POMT1: variants seen among roughly 807,000 people sequenced by gnomAD.
POMT1 encodes the protein protein O-mannosyl-transferase 1.
A neutral mutation model predicts 101.6 loss-of-function variants in POMT1; 85 were observed. The ratio of observed to expected loss-of-function variants is 0.84; its 90% CI spans 0.70 to 1.00. The LOEUF (loss-of-function observed/expected upper bound fraction) is 1.00. Ranked by LOEUF, POMT1 falls within the 50% of genes least tolerant of loss-of-function variation. The probability of loss-of-function intolerance (pLI) is 0.00; values close to 1 mark genes in which losing one functional copy is unlikely to be tolerated. For synonymous variants in POMT1, 371 were observed against 383.0 expected (o/e 0.97, Z 0.37); for missense variants, 857 against 930.4 (o/e 0.92, Z 1.03).
At position 131,522,337 on chromosome 9, in the gene POMT1, A is replaced by C. The variant is rs1950109791; in HGVS notation, c.2003+113A>C. 1.3e-6 allele frequency: 2 copies of C among 1,544,662 alleles called. No homozygotes were observed. Among genetic ancestry groups the C allele is most frequent in the Non-Finnish European group, 1.7e-6 (2 of 1,149,162 alleles). On this transcript the variant is annotated intron_variant, in intron 19 of 19. Coordinates refer to ENST00000402686, the MANE Select transcript of POMT1 (RefSeq NM_001077365.2). This position sits in a 1 kb window ranked among gnomAD's most constrained non-coding sequence, Gnocchi z 5.5. ...ACCTCACCCATTTCACGTTACACTG[A>C]CATCCTCCGGGTCCCTCCGGGGAAT...
At chr9:131,518,421 A>G in intron 13 of POMT1, 24 bp from the exon 14 acceptor site, 1 of 1,579,058 alleles carries the variant, frequency 6.3e-7, no homozygotes, top group Non-Finnish European at 8.7e-7. Flanking sequence ...GGAATGAAAT[A>G]ATCCTTGAGA....
At chr9:131,521,531 TG>T in intron 18 of POMT1, 59 bp downstream of exon 18, 2 of 1,583,660 alleles carry the variant, frequency 1.3e-6, no homozygotes, top group South Asian at 2.2e-5. Flanking sequence ...GGTCTTGCTG[TG>T]TTGTCCAGGG....
intron 13 of POMT1, among the ~76,000 whole-genome samples, chr9:131,517,274 A>G (rs1948905350): frequency 6.7e-6 from 1 of 148,988 alleles, no homozygotes; most frequent in South Asian, 2.1e-4. Flanking sequence ...TCTGTCACCC[A>G]GGCTGAAGTG....
At chr9:131,507,256 C>A in intron 4 of POMT1, 112 bp from the exon 5 acceptor site, 1 of 1,536,182 alleles carries the variant, frequency 6.5e-7, no homozygotes, top group African/African-American at 1.4e-5. Flanking sequence ...GTTTTGTAAA[C>A]GTGCATTTTA....
chr9:131,508,854 C>A, intron 5 of POMT1, 57 bp from the exon 6 acceptor site: 2 of 1,229,346 alleles, frequency 1.6e-6, no homozygotes, highest in Non-Finnish European at 1.2e-6. Context: ...TGTTTTTCAT[C>A]CTCATACGTT....
rs1335325140 is a variant in POMT1, at chr9:131,520,107, G to A, written c.1612G>A (p.Asp538Asn). Residue 538 changes from aspartate (D) to asparagine (N), a missense_variant, in exon 17 of 20, where the codon GAC (aspartate) becomes AAC (asparagine). Coordinates refer to ENST00000402686, the MANE Select transcript of POMT1 (RefSeq NM_001077365.2). ...GAGGATGCTGGCGCTGAGAAGTGAT[G>A]ACTCGGAACACAAGTACAGCTCCAG... ...QWRMLALRSD[D>N]SEHKYSSSPL... The A allele has an allele frequency of 1.9e-6, 3 of 1,613,694 alleles. No individual in the cohort carries two copies. Among genetic ancestry groups the A allele is most frequent in the East Asian group, 2.2e-5 (1 of 44,896 alleles).
chr9:131,518,861 T>G lies in POMT1; in HGVS notation c.1390T>G (p.Trp464Gly), dbSNP rs376126988. The change falls in exon 15 of 20, where the codon TGG becomes GGG. Residue 464 changes from tryptophan (W) to glycine (G), a missense_variant. Transcript: ENST00000402686. ...LKLSGAHLPD[W>G]GYRQLEIVGE... is the part of the protein sequence containing the mutation. ...GCTGAGCGGGGCTCACCTCCCTGAC[T>G]GGGGGTATCGGCAACTGGAGATCGT... 6.2e-7 allele frequency: 1 copy of G among 1,613,962 alleles called. No individual in the cohort carries two copies. The highest frequency in any genetic ancestry group is 8.5e-7 in the Non-Finnish European group (1 of 1,180,020).
Position 131,507,373 on chromosome 9 carries a change from A to T in POMT1, c.286A>T (p.Ser96Cys), listed in dbSNP as rs757102648. 2 of 1,614,180 alleles carry T rather than the reference A, an allele frequency of 1.2e-6. No individual in the cohort carries two copies. The highest frequency in any genetic ancestry group is 1.7e-6 in the Non-Finnish European group (2 of 1,180,038). ...CAGTGTGGTTGCTTTTCCAGAATAC[A>T]GTAGCAACGTGCCTGTGTGGTCCCT... Reference protein sequence around the residue: ...FLWNRIGAEYSSNVPVWSLRL... With the variant: ...FLWNRIGAEYCSNVPVWSLRL... Residue 96 changes from serine (S) to cysteine (C), a missense_variant, in exon 5 of 20, where the codon AGT (serine) becomes TGT (cysteine). By Grantham distance (112) the Ser-to-Cys change is moderately radical (BLOSUM62 -1). Coordinates refer to ENST00000402686, the MANE Select transcript of POMT1 (RefSeq NM_001077365.2).
At chr9:131,516,892 TCCTGAGGCG>T (rs1289502799) in intron 13 of POMT1, 12 of 152,216 alleles carry the variant, frequency 7.9e-5, no homozygotes, top group Admixed American at 6.5e-4. Flanking sequence ...CGGGGGATGT[TCCTGAGGCG>T]CTGGGTCTGT....
At chr9:131,504,128 G>T in intron 1 of POMT1, 61 bp from the exon 2 acceptor site, 1 of 1,600,978 alleles carries the variant, frequency 6.2e-7, no homozygotes, top group South Asian at 1.1e-5. Context: ...GGGTGGCTGG[G>T]GATCCCTTCT....
intron 9 of POMT1, 109 bp downstream of exon 9, chr9:131,510,524 A>G: frequency 7.3e-7 from 1 of 1,376,434 alleles, no homozygotes; most frequent in East Asian, 2.4e-5. Flanking sequence ...CAAAACATGA[A>G]GAATCCACAT....
At chr9:131,511,839 C>CG in intron 10 of POMT1, 1 of 628,228 alleles carries the variant, frequency 1.6e-6, no homozygotes, top group Admixed American at 2.6e-5. Flanking sequence ...TGGGCCCGAT[C>CG]GATGACCCAC....
chr9:131,512,002 C>T lies in POMT1; in HGVS notation c.987-39C>T, dbSNP rs530208525. On this transcript the variant is annotated intron_variant, in intron 10 of 19. Transcript: ENST00000402686. ...CTCTGATTACAGGCCTGAGCCACCG[C>T]GCCTGGCCCAGATACATCTCTTTGT... 1,242 of 1,610,750 alleles carry T rather than the reference C, an allele frequency of 7.7e-4. 18 individuals carry two copies. The South Asian group carries it at 0.012, about 16-fold the overall frequency.
chr9:131,511,221 A>G, intron 9 of POMT1, 116 bp from the exon 10 acceptor site: 2 of 1,146,872 alleles, frequency 1.7e-6, no homozygotes, highest in Non-Finnish European at 1.2e-6. Context: ...CCACTGTTAC[A>G]AGAATGGCCA....
At chr9:131,504,405 T>A in intron 2 of POMT1, 65 bp downstream of exon 2, 1 of 1,611,910 alleles carries the variant, frequency 6.2e-7, no homozygotes, top group Non-Finnish European at 8.5e-7. Context: ...GAGGCGCCCT[T>A]ACTGAATAGC....
At chr9:131,507,790 C>T (rs1374879737) in intron 5 of POMT1, among the ~76,000 whole-genome samples, 1 of 152,236 alleles carries the variant, frequency 6.6e-6, no homozygotes, top group African/African-American at 2.4e-5. Context: ...CCTCCATCTC[C>T]AACCAATCTT....
Position 131,523,026 on chromosome 9 carries a change from G to A in POMT1, c.2098G>A (p.Gly700Arg), listed in dbSNP as rs912556508. 12 of 1,610,518 alleles carry A rather than the reference G, an allele frequency of 7.5e-6. No individual in the cohort carries two copies. The highest frequency in any genetic ancestry group is 2.7e-5 in the African/African-American group (2 of 74,866). The change falls in exon 20 of 20, where the codon GGG (glycine) becomes AGG (arginine). Residue 700 changes from glycine (G) to arginine (R), a missense_variant. Coordinates refer to ENST00000402686, the MANE Select transcript of POMT1 (RefSeq NM_001077365.2). ...VSNTLRPLTY[G>R]DKSLSPHELK... ...CAACACGCTGCGCCCACTCACCTACGGGGACAAGTCACTCTCGCCACATGA... is the reference window on the plus strand; with the variant it reads ...CAACACGCTGCGCCCACTCACCTACAGGGACAAGTCACTCTCGCCACATGA...
At position 131,503,923 on chromosome 9, in the gene POMT1, A is replaced by G. The variant is rs1945140296; in HGVS notation, c.-30-266A>G. 6.6e-6 allele frequency among the ~76,000 whole-genome samples: 1 copy of G among 152,178 alleles called. No individual in the cohort carries two copies. The highest frequency in any genetic ancestry group is 2.4e-5 in the African/African-American group (1 of 41,426). On this transcript the variant is annotated intron_variant, in intron 1 of 19. Coordinates refer to ENST00000402686, the MANE Select transcript of POMT1 (RefSeq NM_001077365.2). This position sits in a 1 kb window ranked among gnomAD's most constrained non-coding sequence, Gnocchi z 4.4. ...TTCCTTAGCAGTGTTCTCGCGCCCA[A>G]GACGTGCTCGGCAGGTTTTGTGGAA... is the stretch of plus-strand genomic sequence containing the variant.
rs377027907 is a variant in POMT1, at chr9:131,512,083, C to T, written c.1029C>T (p.Thr343=). 1.2e-6 allele frequency: 2 copies of T among 1,614,050 alleles called. No homozygotes were observed. Among genetic ancestry groups the T allele is most frequent in the Non-Finnish European group, 1.7e-6 (2 of 1,180,030 alleles). The part of the protein sequence containing the change: ...GRGSSHQQQV[T]CYPFKDVNNW... ...GCAGCTCCCACCAGCAACAGGTGAC[C>T]TGTTACCCCTTCAAAGATGTCAATA... is the stretch of plus-strand genomic sequence containing the variant. The change falls in exon 11 of 20, where the codon ACC becomes ACT. Residue 343 remains threonine, a synonymous_variant. Transcript: ENST00000402686.
Sources: gnomAD v4.1 joint callset for allele counts (sites outside exome capture counted in the v4.1 genomes callset) on GRCh38, gnomAD v4.1.1 for gene constraint, Gnocchi (gnomAD v3.1) non-coding constraint, MANE v1.5 for transcripts, NCBI Gene and HGNC (gene_info 2026-07-23, HGNC 2026-07-21) for gene names.